RAD51B: variants seen among roughly 807,000 people sequenced by gnomAD.
RAD51B encodes the protein DNA repair protein RAD51 homolog 2.
RAD51B carries 38 observed loss-of-function variants against 42.2 expected under a neutral mutation model. The observed-to-expected ratio is 0.90, with a 90% CI of 0.70 to 1.18. The LOEUF is 1.18. Among genes scored for constraint, RAD51B ranks in the 50% most tolerant of loss-of-function variants. The pLI is 0.00. For missense variants in RAD51B, 373 were observed against 400.7 expected, an observed-to-expected ratio of 0.93 and a Z score of 0.59; for synonymous variants, 154 against 145.2, an observed-to-expected ratio of 1.06 and a Z score of -0.43.
chr14:67,899,183 T>C (rs922187469), intron 7 of RAD51B, among the ~76,000 whole-genome samples: 67 of 151,604 alleles, frequency 4.4e-4, no homozygotes, highest in African/African-American at 1.2e-3. Context: ...GCTGGGACTA[T>C]AGGCACCCGC....
chr14:68,513,212 A>G lies in RAD51B; in HGVS notation c.1036+44962A>G, dbSNP rs1541390. On this transcript the variant is annotated intron_variant, in intron 10 of 10. Transcript: ENST00000487270. The stretch of plus-strand genomic sequence containing the variant: ...CTATAGAGAGGCTCATGGAACAACA[A>G]TGGGCCAGCTTGGGTTAAACACTGG... Among the ~76,000 whole-genome samples the G allele has an allele frequency of 0.24, 36,142 of 152,084 alleles. 4,624 individuals are homozygous for G. Among genetic ancestry groups the G allele is most frequent in the East Asian group, 0.51 (2,630 of 5,162 alleles).
chr14:68,453,040 C>T (rs2085597409), intron 9 of RAD51B, among the ~76,000 whole-genome samples: 1 of 152,084 alleles, frequency 6.6e-6, no homozygotes, highest in Admixed American at 6.6e-5. Flanking sequence ...TACATATTCA[C>T]ATGTGGGATG....
At chr14:67,862,458 T>A (rs2042195369) in intron 4 of RAD51B, among the ~76,000 whole-genome samples, 1 of 151,446 alleles carries the variant, frequency 6.6e-6, no homozygotes, top group South Asian at 2.1e-4. Flanking sequence ...TTAAACCAGT[T>A]GTTAAAAATG....
intron 7 of RAD51B, among the ~76,000 whole-genome samples, chr14:68,287,833 G>T (rs1196159033): frequency 1.3e-5 from 2 of 152,104 alleles, no homozygotes; most frequent in Non-Finnish European, 2.9e-5. Flanking sequence ...TCCATAGGCC[G>T]GGTACTGTGC....
At chr14:68,236,173 A>G (rs1195601570) in intron 7 of RAD51B, 1 of 152,204 alleles carries the variant, frequency 6.6e-6, no homozygotes, top group Admixed American at 6.5e-5. Flanking sequence ...CCATTTACCT[A>G]TATAACAAAC....
chr14:67,844,864 C>T (rs2041558429), intron 4 of RAD51B, among the ~76,000 whole-genome samples: 1 of 152,018 alleles, frequency 6.6e-6, no homozygotes, highest in African/African-American at 2.4e-5. Flanking sequence ...AGCTGGAAAC[C>T]ATTTTTGTCT....
At chr14:68,598,686 G>C (rs17105931), downstream of RAD51B, among the ~76,000 whole-genome samples, 3 of 152,234 alleles carry the variant, frequency 2.0e-5, no homozygotes, top group East Asian at 5.8e-4. Flanking sequence ...CCACGGTGCC[G>C]GGCTCCAGTG....
chr14:68,077,218 T>G (rs541401791), intron 7 of RAD51B, among the ~76,000 whole-genome samples: 1 of 152,270 alleles, frequency 6.6e-6, no homozygotes, highest in East Asian at 1.9e-4. Context: ...TCCAAAAATG[T>G]TAATGGTAGA....
chr14:67,845,041 C>G (rs2041563735), intron 4 of RAD51B, among the ~76,000 whole-genome samples: 1 of 152,162 alleles, frequency 6.6e-6, no homozygotes, highest in Admixed American at 6.5e-5. Context: ...ACCATTGGGT[C>G]TTGACTCTTT....
intron 5 of RAD51B, among the ~76,000 whole-genome samples, chr14:67,873,385 G>A (rs1391499777): frequency 1.3e-5 from 2 of 152,062 alleles, no homozygotes; most frequent in East Asian, 3.9e-4. Context: ...AAACCACAAT[G>A]AGATACCATC....
At chr14:67,918,322 C>T (rs1403548381) in intron 7 of RAD51B, among the ~76,000 whole-genome samples, 6 of 152,144 alleles carry the variant, frequency 3.9e-5, no homozygotes, top group Admixed American at 1.3e-4. Flanking sequence ...GCAACCTCCA[C>T]CTCCAGGGTT....
At chr14:68,433,875 G>GT (rs1461148481) in intron 9 of RAD51B, among the ~76,000 whole-genome samples, 2 of 152,136 alleles carry the variant, frequency 1.3e-5, no homozygotes, top group African/African-American at 4.8e-5. Context: ...CATCTTTGTG[G>GT]TTTTATCTAC....
downstream of RAD51B, among the ~76,000 whole-genome samples, chr14:68,482,195 G>GTGTGTGTGTGTGTA (rs1271194612): frequency 5.3e-5 from 8 of 151,786 alleles, no homozygotes; most frequent in African/African-American, 1.9e-4. Context: ...GTGTGTGTGT[G>GTGTGTGTGTGTGTA]TGTATGTGTG....
chr14:68,055,484 G>A (rs1410177554), intron 7 of RAD51B, among the ~76,000 whole-genome samples: 1 of 152,164 alleles, frequency 6.6e-6, no homozygotes, highest in East Asian at 1.9e-4. Context: ...GAGCAATCAT[G>A]TGATAGCAGC....
intron 10 of RAD51B, among the ~76,000 whole-genome samples, chr14:68,582,359 C>T (rs1680216713): frequency 6.6e-6 from 1 of 152,222 alleles, no homozygotes; most frequent in African/African-American, 2.4e-5. Flanking sequence ...TGAACAGACA[C>T]TTCTCAAAAG....
intron 3 of RAD51B, among the ~76,000 whole-genome samples, 165 bp downstream of exon 3, chr14:67,825,742 T>G (rs148237938): frequency 1.7e-3 from 264 of 152,308 alleles, no homozygotes; most frequent in African/African-American, 6.2e-3. Context: ...GTGAAAATTT[T>G]TTTTTTCTTT....
At chr14:68,609,286 C>A (rs1436252081) in intron 10 of RAD51B, among the ~76,000 whole-genome samples, 1 of 152,200 alleles carries the variant, frequency 6.6e-6, no homozygotes, top group Non-Finnish European at 1.5e-5. Context: ...CAGGCTGAGT[C>A]TGGCTCTCCC....
chr14:68,086,582 T>C (rs2140503057), intron 7 of RAD51B, among the ~76,000 whole-genome samples: 1 of 152,118 alleles, frequency 6.6e-6, no homozygotes, highest in Non-Finnish European at 1.5e-5. Flanking sequence ...AGGGAGGGCA[T>C]GTGGGCTTGA....
rs35055159 is a variant in RAD51B at position 68,178,017 on chromosome 14, A to C, written c.757-113867A>C. ...ACTGCTTTTATAATGCCCTTTTTCT[A>C]ACGTTGAGCTGGTGACCATGCTGCC... is the stretch of plus-strand genomic sequence containing the variant. On this transcript the variant is annotated intron_variant, in intron 7 of 10. Transcript: ENST00000471583. Among the ~76,000 whole-genome samples the C allele has an allele frequency of 5.1e-3, 779 of 152,202 alleles. 8 individuals are homozygous for C. The highest frequency in any genetic ancestry group is 6.9e-3 in the Non-Finnish European group (471 of 67,980).
Sources: gnomAD v4.1 joint callset for allele counts (sites outside exome capture counted in the v4.1 genomes callset) on GRCh38, gnomAD v4.1.1 for gene constraint, MANE v1.5 for transcripts, NCBI Gene and HGNC (gene_info 2026-07-23, HGNC 2026-07-21) for gene names.